Variants in TSHZ1 observed in about 807,000 individuals in gnomAD.
TSHZ1 encodes teashirt zinc finger homeobox 1.
TSHZ1 carries 12 observed loss-of-function variants against 67.1 expected under a neutral mutation model. The observed-to-expected ratio is 0.18, with a 90% CI of 0.11 to 0.29. TSHZ1 has a LOEUF of 0.29. Among genes scored for constraint, TSHZ1 ranks in the 10% least tolerant of loss-of-function variants. TSHZ1 has a pLI of 1.00. For missense variants in TSHZ1, 1,305 were observed against 1,413.9 expected, an observed-to-expected ratio of 0.92 and a Z score of 1.23; for synonymous variants, 632 against 622.4, an observed-to-expected ratio of 1.02 and a Z score of -0.23.
chr18:75,221,627 A>G (rs990820087), intron 1 of TSHZ1, among the ~76,000 whole-genome samples: 4 of 152,236 alleles, frequency 2.6e-5, no homozygotes, highest in African/African-American at 7.2e-5. Context: ...ATTGTGACTA[A>G]TATTTATTTC....
chr18:75,234,460 CT>C (rs2023040969), intron 1 of TSHZ1, among the ~76,000 whole-genome samples: 1 of 152,078 alleles, frequency 6.6e-6, no homozygotes, highest in African/African-American at 2.4e-5. Context: ...GCATTTTGTG[CT>C]CTTCAGAGGA....
intron 1 of TSHZ1, among the ~76,000 whole-genome samples, chr18:75,222,170 A>AG (rs1228492539): frequency 6.7e-6 from 1 of 149,712 alleles, no homozygotes; most frequent in Non-Finnish European, 1.5e-5. Context: ...CTTGGGTTAG[A>AG]GGGGGGTTGT....
chr18:75,243,972 T>C (rs2023190308), intron 1 of TSHZ1, among the ~76,000 whole-genome samples: 1 of 152,152 alleles, frequency 6.6e-6, no homozygotes, highest in Non-Finnish European at 1.5e-5. Flanking sequence ...TTGGAAACAG[T>C]ATAAAAAAAT....
At chr18:75,270,817 A>G (rs1265626636) in intron 1 of TSHZ1, among the ~76,000 whole-genome samples, 1 of 151,728 alleles carries the variant, frequency 6.6e-6, no homozygotes, top group East Asian at 1.9e-4. Context: ...TTTTTAATGT[A>G]TTTTCTTTTT....
chr18:75,268,640 G>A (rs888188791), intron 1 of TSHZ1, among the ~76,000 whole-genome samples: 7 of 152,158 alleles, frequency 4.6e-5, no homozygotes, highest in African/African-American at 9.7e-5. Flanking sequence ...AAATGACTGC[G>A]GTGATTGCCA....
intron 1 of TSHZ1, among the ~76,000 whole-genome samples, chr18:75,270,772 A>G (rs2023546989): frequency 6.6e-6 from 1 of 151,220 alleles, no homozygotes; most frequent in East Asian, 1.9e-4. Context: ...AATAACTTCC[A>G]CTGTTTAGCC....
At chr18:75,225,891 G>C (rs1423297811) in intron 1 of TSHZ1, among the ~76,000 whole-genome samples, 1 of 152,162 alleles carries the variant, frequency 6.6e-6, no homozygotes, top group Non-Finnish European at 1.5e-5. Flanking sequence ...TGGAGAGGCA[G>C]GTTTGCACTT....
intron 1 of TSHZ1, among the ~76,000 whole-genome samples, chr18:75,239,076 C>T (rs1009608292): frequency 1.0e-3 from 156 of 152,214 alleles, no homozygotes; most frequent in African/African-American, 3.6e-3. Flanking sequence ...GAGGTGGCCG[C>T]GGTGTAAACT....
chr18:75,288,616 A>G lies in TSHZ1; in HGVS notation c.3209A>G (p.Tyr1070Cys), dbSNP rs766222223. 6 of 1,602,540 alleles carry G rather than the reference A, an allele frequency of 3.7e-6. No homozygotes were observed. In the South Asian group the frequency reaches 4.5e-5, roughly 12 times the overall value. Residue 1070 changes from tyrosine (Y) to cysteine (C), a missense_variant, in exon 2 of 2, where the codon TAT (tyrosine) becomes TGT (cysteine). Transcript: ENST00000580243. This position sits in a 1 kb window ranked among gnomAD's most constrained non-coding sequence, Gnocchi z 4.9. ...AAGTCTCCCGAGGACCACCTGATCT[A>G]TGTGACTGAGTTGGAGAAACAGTAG... ...HGKSPEDHLI[Y>C]VTELEKQ
At chr18:75,240,643 G>A (rs1348032795) in intron 1 of TSHZ1, among the ~76,000 whole-genome samples, 1 of 152,160 alleles carries the variant, frequency 6.6e-6, no homozygotes, top group African/African-American at 2.4e-5. Flanking sequence ...TTTTGACATT[G>A]TGTCAGCTGG....
intron 1 of TSHZ1, among the ~76,000 whole-genome samples, chr18:75,248,024 G>A (rs2023245871): frequency 6.6e-6 from 1 of 152,112 alleles, no homozygotes; most frequent in Admixed American, 6.5e-5. Flanking sequence ...CAAATATAAA[G>A]ATAAGCGCAC....
intron 1 of TSHZ1, among the ~76,000 whole-genome samples, chr18:75,241,999 A>C (rs1330546494): frequency 2.0e-5 from 3 of 149,784 alleles, no homozygotes; most frequent in Non-Finnish European, 4.4e-5. Flanking sequence ...CCTATTTCCA[A>C]ACAAAGTCAC....
In TSHZ1 at chr18:75,286,264, G is replaced by T; in HGVS notation, c.857G>T (p.Trp286Leu). The T allele has an allele frequency of 6.2e-7, 1 of 1,613,368 alleles. No individual in the cohort carries two copies. The highest frequency in any genetic ancestry group is 8.5e-7 in the Non-Finnish European group (1 of 1,179,408). ...RDKDSEKTKR[W>L]SKPRKRSLME... ...AAGGACTCCGAGAAGACCAAGAGGT[G>T]GTCCAAGCCCAGGAAGCGCTCCCTG... The change falls in exon 2 of 2, where the codon TGG (tryptophan) becomes TTG (leucine). Residue 286 changes from tryptophan to leucine, a missense_variant. Trp to Leu is a moderately conservative substitution (Grantham distance 61). This residue lies in a region of TSHZ1 where 358 missense variants were observed against 375.6 expected (regional missense o/e 0.95). Coordinates refer to ENST00000580243, the MANE Select transcript of TSHZ1 (RefSeq NM_001308210.2). The surrounding 1 kb of genome is among the most constrained non-coding windows in gnomAD (Gnocchi z 5.1).
chr18:75,242,657 T>C (rs188459253), intron 1 of TSHZ1, among the ~76,000 whole-genome samples: 1 of 152,346 alleles, frequency 6.6e-6, no homozygotes, highest in African/African-American at 2.4e-5. Context: ...GTCCAGCTTT[T>C]GTAGAATAAA....
chr18:75,233,210 G>T (rs1018014557), intron 1 of TSHZ1, among the ~76,000 whole-genome samples: 2 of 152,170 alleles, frequency 1.3e-5, no homozygotes, highest in Non-Finnish European at 2.9e-5. Context: ...TCTGCAGTCT[G>T]CTCCGTTATC....
Position 75,266,121 on chromosome 18 carries a change from A to G in TSHZ1, c.41-19327A>G, listed in dbSNP as rs149534900. Among the ~76,000 whole-genome samples, 108 of 152,298 alleles carry G rather than the reference A, an allele frequency of 7.1e-4. 2 individuals are homozygous for G. In the South Asian group the frequency reaches 0.011, roughly 16 times the overall value. Reference sequence around the variant, plus strand: ...AGTGATCGATGCTGTCCCGTTGGACAAGGTTTACTAGAAGGGTGACAGACC... The same window carrying G: ...AGTGATCGATGCTGTCCCGTTGGACGAGGTTTACTAGAAGGGTGACAGACC... On this transcript the variant is annotated intron_variant, in intron 1 of 1. Coordinates refer to ENST00000580243, the MANE Select transcript of TSHZ1 (RefSeq NM_001308210.2).
intron 1 of TSHZ1, among the ~76,000 whole-genome samples, chr18:75,265,796 G>A (rs2023483517): frequency 6.6e-6 from 1 of 151,992 alleles, no homozygotes; most frequent in Non-Finnish European, 1.5e-5. Flanking sequence ...GTCCGATGAT[G>A]AATTTACTAT....
chr18:75,211,998 A>G, intron 1 of TSHZ1, 82 bp downstream of exon 1: 1 of 1,083,480 alleles, frequency 9.2e-7, no homozygotes. Flanking sequence ...GAGGTGCGGG[A>G]CGTGGGCCGC....
At chr18:75,213,623 A>ATT (rs11402374) in intron 1 of TSHZ1, among the ~76,000 whole-genome samples, 74 of 147,744 alleles carry the variant, frequency 5.0e-4, no homozygotes, top group African/African-American at 1.5e-3. Context: ...TAAATACCAC[A>ATT]TTTTTTTTTT....
Sources: gnomAD v4.1 joint callset for allele counts (sites outside exome capture counted in the v4.1 genomes callset) on GRCh38, gnomAD v4.1.1 for gene constraint, gnomAD v4.1.1 regional missense constraint, Gnocchi (gnomAD v3.1) non-coding constraint, MANE v1.5 for transcripts, NCBI Gene and HGNC (gene_info 2026-07-23, HGNC 2026-07-21) for gene names.